NLGN1: variants seen among roughly 807,000 people sequenced by gnomAD.
NLGN1 encodes the protein neuroligin 1, also known as neuroligin-1.
NLGN1 carries 12 observed loss-of-function variants against 65.5 expected under a neutral mutation model. The ratio of observed to expected loss-of-function variants is 0.18; its 90% CI spans 0.12 to 0.30. The LOEUF is 0.30. Ranked by LOEUF, NLGN1 falls within the 10% of genes least tolerant of loss-of-function variation. The pLI is 1.00. For missense variants in NLGN1, 750 were observed against 1,007.1 expected (o/e 0.74, Z 3.46); for synonymous variants, 350 against 359.5 (o/e 0.97, Z 0.30).
At chr3:173,693,782 A>C (rs1161615612) in intron 3 of NLGN1, among the ~76,000 whole-genome samples, 2 of 152,096 alleles carry the variant, frequency 1.3e-5, no homozygotes, top group Non-Finnish European at 2.9e-5. Flanking sequence ...TTAAAAGGTA[A>C]CAATGTAAGT....
intron 3 of NLGN1, among the ~76,000 whole-genome samples, chr3:173,761,104 G>A (rs938712933): frequency 3.9e-5 from 6 of 151,944 alleles, no homozygotes; most frequent in Non-Finnish European, 5.9e-5. Context: ...GTTGACGGCC[G>A]ACTCAGTCTT....
intron 2 of NLGN1, among the ~76,000 whole-genome samples, chr3:173,539,838 T>TTA (rs965059361): frequency 1.5e-5 from 2 of 134,070 alleles, no homozygotes; most frequent in Admixed American, 7.5e-5. Context: ...TGTATATATG[T>TTA]TATATATATT....
intron 4 of NLGN1, among the ~76,000 whole-genome samples, chr3:174,058,708 C>T (rs1375947780): frequency 6.6e-6 from 1 of 151,818 alleles, no homozygotes; most frequent in Non-Finnish European, 1.5e-5. Flanking sequence ...TCTGCCTGAA[C>T]CTGTATGGGT....
chr3:173,786,029 G>T (rs1030116964), intron 3 of NLGN1, among the ~76,000 whole-genome samples: 17 of 152,118 alleles, frequency 1.1e-4, no homozygotes, highest in Admixed American at 3.3e-4. Flanking sequence ...GTGGTACATA[G>T]ACCTCATTCA....
chr3:174,160,118 A>G (rs573532886), intron 4 of NLGN1, among the ~76,000 whole-genome samples: 16 of 151,676 alleles, frequency 1.1e-4, no homozygotes, highest in African/African-American at 3.4e-4. Flanking sequence ...ACACACACAC[A>G]TGCTCTATAA....
intron 3 of NLGN1, among the ~76,000 whole-genome samples, chr3:173,746,746 C>T (rs978486856): frequency 6.6e-6 from 1 of 152,078 alleles, no homozygotes; most frequent in South Asian, 2.1e-4. Context: ...AAACAGGAAT[C>T]ATCTTTTTAT....
At chr3:173,747,648 T>G (rs1202157071) in intron 3 of NLGN1, among the ~76,000 whole-genome samples, 1 of 150,972 alleles carries the variant, frequency 6.6e-6, no homozygotes, top group Non-Finnish European at 1.5e-5. Flanking sequence ...CCTTTTTACC[T>G]GATGACTAAG....
intron 4 of NLGN1, among the ~76,000 whole-genome samples, chr3:173,962,356 T>A (rs1368688576): frequency 6.6e-6 from 1 of 152,092 alleles, no homozygotes; most frequent in Non-Finnish European, 1.5e-5. Context: ...GGAAGCCCCA[T>A]TAAGAGGGAA....
chr3:173,954,967 G>A (rs1207330977), intron 4 of NLGN1, among the ~76,000 whole-genome samples: 1 of 151,602 alleles, frequency 6.6e-6, no homozygotes, highest in Non-Finnish European at 1.5e-5. Flanking sequence ...TTTTTTTTCA[G>A]TCTAGGGCCA....
At chr3:174,102,507 G>A (rs933166695) in intron 4 of NLGN1, among the ~76,000 whole-genome samples, 2 of 151,924 alleles carry the variant, frequency 1.3e-5, no homozygotes, top group South Asian at 2.1e-4. Flanking sequence ...CCTTTCAAAC[G>A]CAAACACCTC....
intron 4 of NLGN1, among the ~76,000 whole-genome samples, chr3:174,130,643 T>C (rs988982409): frequency 2.0e-5 from 3 of 152,068 alleles, no homozygotes; most frequent in African/African-American, 7.2e-5. Flanking sequence ...TTTTGGGAGA[T>C]GATGGCCAGG....
chr3:173,404,074 T>G (rs975715442), intron 1 of NLGN1, among the ~76,000 whole-genome samples: 42 of 152,174 alleles, frequency 2.8e-4, no homozygotes, highest in African/African-American at 9.7e-4. Context: ...GGTGGGAAAC[T>G]AAGGCAGTGT....
chr3:173,794,333 C>A (rs1046280209), intron 3 of NLGN1, among the ~76,000 whole-genome samples: 1 of 152,122 alleles, frequency 6.6e-6, no homozygotes, highest in Non-Finnish European at 1.5e-5. Flanking sequence ...AGTTGTCTTG[C>A]CTGTTTTGTT....
chr3:174,169,575 G>C (rs73035626), intron 4 of NLGN1, among the ~76,000 whole-genome samples: 2 of 152,022 alleles, frequency 1.3e-5, no homozygotes, highest in African/African-American at 4.8e-5. Flanking sequence ...AGAAGGATGG[G>C]TGGCTCAGGC....
chr3:174,194,906 G>A (rs1733131632), intron 4 of NLGN1, among the ~76,000 whole-genome samples: 1 of 136,372 alleles, frequency 7.3e-6, no homozygotes, highest in Non-Finnish European at 1.5e-5. Flanking sequence ...TTATTGCCCA[G>A]GCTGGAGTGC....
intron 2 of NLGN1, among the ~76,000 whole-genome samples, chr3:173,526,465 A>C (rs1476750255): frequency 1.3e-5 from 2 of 151,900 alleles, no homozygotes; most frequent in East Asian, 3.9e-4. Context: ...AAAATGTTTA[A>C]ATTGTTGTGG....
chr3:174,255,475 T>C (rs1262830589), intron 4 of NLGN1, among the ~76,000 whole-genome samples: 1 of 138,232 alleles, frequency 7.2e-6, no homozygotes, highest in Non-Finnish European at 1.5e-5. Flanking sequence ...CAAAGAGCAG[T>C]GGTACTTTGC....
At chr3:173,544,698 C>T (rs970504043) in intron 2 of NLGN1, among the ~76,000 whole-genome samples, 1 of 151,850 alleles carries the variant, frequency 6.6e-6, no homozygotes, top group African/African-American at 2.4e-5. Flanking sequence ...AAGATTTGGC[C>T]TAGATATACA....
chr3:173,560,246 T>C (rs1458043929), intron 2 of NLGN1, among the ~76,000 whole-genome samples: 2 of 152,126 alleles, frequency 1.3e-5, no homozygotes, highest in African/African-American at 4.8e-5. Context: ...GATACACTTT[T>C]TAATAAATCT....
Sources: gnomAD v4.1 joint callset for allele counts (sites outside exome capture counted in the v4.1 genomes callset) on GRCh38, gnomAD v4.1.1 for gene constraint, MANE v1.5 for transcripts, NCBI Gene and HGNC (gene_info 2026-07-23, HGNC 2026-07-21) for gene names.